NCKAP1L: variants seen among roughly 807,000 people sequenced by gnomAD.
NCKAP1L encodes NCK associated protein 1 like, also known as nck-associated protein 1-like.
Under a neutral mutation model 139.2 loss-of-function variants are expected in NCKAP1L, and 53 were observed. That is an observed-to-expected ratio of 0.38 (90% confidence interval 0.31 to 0.48). The LOEUF is 0.48. Among genes scored for constraint, NCKAP1L ranks in the 20% least tolerant of loss-of-function variants. NCKAP1L has a pLI of 0.98. For synonymous variants in NCKAP1L, 468 were observed against 499.7 expected, an observed-to-expected ratio of 0.94 and a Z score of 0.85; for missense variants, 1,151 against 1,381.9, an observed-to-expected ratio of 0.83 and a Z score of 2.65.
At chr12:54,535,695 G>A (rs1397089614) in intron 27 of NCKAP1L, among the ~76,000 whole-genome samples, 1 of 152,108 alleles carries the variant, frequency 6.6e-6, no homozygotes, top group African/African-American at 2.4e-5. Context: ...TCTGATTTCA[G>A]TCATACCTAT....
intron 19 of NCKAP1L, 109 bp downstream of exon 19, chr12:54,523,648 T>C: frequency 1.4e-6 from 2 of 1,469,856 alleles, no homozygotes; most frequent in South Asian, 1.4e-5. Context: ...TGGTGGGGAA[T>C]GAGGGGCATG....
Position 54,526,551 on chromosome 12 carries a change from A to G in NCKAP1L, c.2180A>G (p.Tyr727Cys), listed in dbSNP as rs1336448040. Residue 727 changes from tyrosine (Y) to cysteine (C), a missense_variant, in exon 21 of 31, where the codon TAC becomes TGC. By Grantham distance (194) the Tyr-to-Cys change is radical. Coordinates refer to ENST00000293373, the MANE Select transcript of NCKAP1L (RefSeq NM_005337.5). Reference sequence around the variant, plus strand: ...AGAGCCATTGTGTGGCTGGCTGGCTACAATGCCACGACCCAGGAGATCGTA... The same window carrying G: ...AGAGCCATTGTGTGGCTGGCTGGCTGCAATGCCACGACCCAGGAGATCGTA... ...LNRAIVWLAG[Y>C]NATTQEIVRP... The G allele has an allele frequency of 6.2e-7, 1 of 1,613,998 alleles. No homozygotes were observed. Among genetic ancestry groups the G allele is most frequent in the South Asian group, 1.1e-5 (1 of 91,076 alleles).
chr12:54,499,415 C>A lies in NCKAP1L; in HGVS notation c.163C>A (p.Leu55Ile). The A allele has an allele frequency of 6.2e-7, 1 of 1,612,926 alleles. No homozygotes were observed. The highest frequency in any genetic ancestry group is 8.5e-7 in the Non-Finnish European group (1 of 1,178,906). ...FLLEKSMEPSLKYINKKFPNI... is the reference protein window; with the variant it reads ...FLLEKSMEPSIKYINKKFPNI... Reference sequence around the variant, plus strand: ...ACTGGAAAAGTCCATGGAACCATCTCTCAAGTATATCAACAAGAAATTTCC... The same window carrying A: ...ACTGGAAAAGTCCATGGAACCATCTATCAAGTATATCAACAAGAAATTTCC... Residue 55 changes from leucine to isoleucine, a missense_variant, in exon 2 of 31, where the codon CTC (leucine) becomes ATC (isoleucine). By Grantham distance (5) the Leu-to-Ile change is conservative. Transcript: ENST00000293373.
rs1473618705 is a variant in NCKAP1L, at chr12:54,547,473, C to G, written c.*4788C>G. 6.6e-6 allele frequency: 1 copy of G among 150,866 alleles called. No homozygotes were observed. The highest frequency in any genetic ancestry group is 1.5e-5 in the Non-Finnish European group (1 of 67,894). The allele number at this position is 150,866 out of a possible 1,614,324, so 9.3% of individuals were successfully genotyped here. The stretch of plus-strand genomic sequence containing the variant: ...AATTAGAGTGGATGAACTCTAATGT[C>G]TCTTTCACGAATAACTTTGTGTGTG... On this transcript the variant is annotated 3_prime_UTR_variant, in exon 31 of 31. Transcript: ENST00000293373.
intron 9 of NCKAP1L, among the ~76,000 whole-genome samples, chr12:54,513,012 G>A (rs1427075772): frequency 6.6e-6 from 1 of 152,152 alleles, no homozygotes; most frequent in Non-Finnish European, 1.5e-5. Flanking sequence ...GGTAAATTAG[G>A]ATGTTGTATG....
Position 54,531,770 on chromosome 12 carries a change from C to A in NCKAP1L, c.2726C>A (p.Thr909Asn). The A allele has an allele frequency of 6.2e-7, 1 of 1,612,816 alleles. No homozygotes were observed. The highest frequency in any genetic ancestry group is 1.1e-5 in the South Asian group (1 of 91,078). The change falls in exon 25 of 31, where the codon ACC becomes AAC. Residue 909 changes from threonine to asparagine, a missense_variant. Transcript: ENST00000293373. ...TGAENVLKRM[T>N]IIGVILSFRA... The stretch of plus-strand genomic sequence containing the variant: ...GCTGAAAATGTGCTAAAGCGCATGA[C>A]CATCATTGGGGTTATCCTCAGTTTC...
At chr12:54,498,011 A>G (rs1956764608) in intron 1 of NCKAP1L, 120 bp downstream of exon 1, 1 of 630,974 alleles carries the variant, frequency 1.6e-6, no homozygotes, top group Admixed American at 2.4e-5. Flanking sequence ...TCCACTGACT[A>G]TAATCTACAT....
At chr12:54,538,248 A>G (rs1414110150) in intron 29 of NCKAP1L, among the ~76,000 whole-genome samples, 1 of 152,236 alleles carries the variant, frequency 6.6e-6, no homozygotes, top group African/African-American at 2.4e-5. Context: ...ACCCAACCAG[A>G]TAGACCTGGC....
intron 22 of NCKAP1L, among the ~76,000 whole-genome samples, chr12:54,530,834 T>A (rs1957063141): frequency 6.6e-6 from 1 of 152,242 alleles, no homozygotes; most frequent in Non-Finnish European, 1.5e-5. Context: ...CTCACATCAA[T>A]TCTGTGGGTT....
intron 30 of NCKAP1L, among the ~76,000 whole-genome samples, chr12:54,541,609 G>C (rs1192797011): frequency 6.6e-6 from 1 of 152,192 alleles, no homozygotes; most frequent in Non-Finnish European, 1.5e-5. Context: ...TGTTGTGTGT[G>C]CATGTGTTTG....
At chr12:54,539,887 G>A (rs71455281) in intron 30 of NCKAP1L, among the ~76,000 whole-genome samples, 2,240 of 152,312 alleles carry the variant, frequency 0.015, 25 homozygotes, top group Non-Finnish European at 0.025. Flanking sequence ...GAGGCGGACC[G>A]TCCTACTGGT....
chr12:54,528,079 A>G (rs971959306), intron 21 of NCKAP1L, among the ~76,000 whole-genome samples, 168 bp from the exon 22 acceptor site: 2 of 152,170 alleles, frequency 1.3e-5, no homozygotes, highest in Non-Finnish European at 2.9e-5. Context: ...TTTTTGATCC[A>G]TCAGCTTGGG....
chr12:54,517,561 T>C lies in NCKAP1L; in HGVS notation c.1124T>C (p.Phe375Ser), dbSNP rs1446521648. 6.2e-7 allele frequency: 1 copy of C among 1,614,048 alleles called. No homozygotes were observed. Among genetic ancestry groups the C allele is most frequent in the Non-Finnish European group, 8.5e-7 (1 of 1,179,992 alleles). The change falls in exon 12 of 31, where the codon TTC (phenylalanine) becomes TCC (serine). Residue 375 changes from phenylalanine to serine, a missense_variant. Transcript: ENST00000293373. ...CTTTTTGCTTTCATGGCCCTGTCCT[T>C]CATTCGTGATGAGGTCACCTGGCTG... is the stretch of plus-strand genomic sequence containing the variant. ...KALFAFMALS[F>S]IRDEVTWLVR... is the part of the protein sequence containing the mutation.
At chr12:54,539,056 G>C (rs1957136460) in intron 30 of NCKAP1L, 83 bp downstream of exon 30, 1 of 1,208,720 alleles carries the variant, frequency 8.3e-7, no homozygotes, top group Middle Eastern at 1.9e-4. Flanking sequence ...TTGCATCCTT[G>C]CCATTCTTGT....
At chr12:54,523,618 A>T in intron 19 of NCKAP1L, 79 bp downstream of exon 19, 1 of 1,527,314 alleles carries the variant, frequency 6.5e-7, no homozygotes, top group South Asian at 1.3e-5. Flanking sequence ...GGTGACACAG[A>T]AAGAAAAGAG....
In NCKAP1L at chr12:54,511,859, T is replaced by C. The variant is rs1023798321; in HGVS notation, c.784+8T>C. On this transcript the variant is annotated splice_region_variant and intron_variant, in intron 8 of 30. Coordinates refer to ENST00000293373, the MANE Select transcript of NCKAP1L (RefSeq NM_005337.5). ...TGGAGCGCTGGATTATCAGTAAGTT[T>C]AGTGGGATTAGATGGGAGTGGATGA... 3.7e-6 allele frequency: 6 copies of C among 1,614,068 alleles called. No individual in the cohort carries two copies. Among genetic ancestry groups the C allele is most frequent in the Non-Finnish European group, 5.1e-6 (6 of 1,180,006 alleles).
rs775477208 is a variant in NCKAP1L at position 54,507,897 on chromosome 12, C to T, written c.351C>T (p.Cys117=). 17 of 1,613,868 alleles carry T rather than the reference C, an allele frequency of 1.1e-5. No individual in the cohort carries two copies. Among genetic ancestry groups the T allele is most frequent in the Non-Finnish European group, 1.3e-5 (15 of 1,179,804 alleles). ...ELLNTIDACQ[C]HFDINLNFDF... is the part of the protein sequence containing the mutation. ...TCAACACCATTGATGCCTGCCAGTG[C>T]CATTTTGATATCGTAAGAACCTTTG... The change falls in exon 4 of 31, where the codon TGC becomes TGT. Residue 117 remains cysteine (C), a synonymous_variant. Transcript: ENST00000293373.
intron 30 of NCKAP1L, 135 bp downstream of exon 30, chr12:54,539,108 T>C: frequency 1.5e-6 from 1 of 685,046 alleles, no homozygotes; most frequent in Non-Finnish European, 2.5e-6. Context: ...TGCATAACCC[T>C]CTGAATGTAG....
At chr12:54,525,691 C>G (rs1385162277) in intron 20 of NCKAP1L, among the ~76,000 whole-genome samples, 1 of 152,180 alleles carries the variant, frequency 6.6e-6, no homozygotes, top group East Asian at 1.9e-4. Context: ...TACTTGAGAA[C>G]CTTTTCCCTT....
Sources: gnomAD v4.1 joint callset for allele counts (sites outside exome capture counted in the v4.1 genomes callset) on GRCh38, gnomAD v4.1.1 for gene constraint, MANE v1.5 for transcripts, NCBI Gene and HGNC (gene_info 2026-07-23, HGNC 2026-07-21) for gene names.